Variants in NFIB observed in about 807,000 individuals in gnomAD.
NFIB encodes the protein nuclear factor 1 B-type.
Under a neutral mutation model 61.5 loss-of-function variants are expected in NFIB, and 11 were observed. The observed-to-expected ratio is 0.18, with a 90% confidence interval of 0.11 to 0.30. The LOEUF is 0.30. NFIB is among the 10% of genes least tolerant of loss of function. NFIB has a pLI of 1.00. For missense variants in NFIB, 471 were observed against 608.9 expected (o/e 0.77, Z 2.38); for synonymous variants, 260 against 216.5 (o/e 1.20, Z -1.76).
intron 2 of NFIB, among the ~76,000 whole-genome samples, chr9:14,256,115 A>C (rs934606915): frequency 5.9e-5 from 9 of 152,220 alleles, no homozygotes; most frequent in African/African-American, 2.2e-4. Context: ...CTTCTGTTTT[A>C]CCAAAAATAT....
upstream of NFIB, among the ~76,000 whole-genome samples, chr9:14,401,220 C>T (rs2061740104): frequency 6.6e-6 from 1 of 152,188 alleles, no homozygotes; most frequent in South Asian, 2.1e-4. Context: ...TTCAGCAGTA[C>T]CACACTAGGG....
At chr9:14,104,872 T>G (rs960809704) in intron 10 of NFIB, among the ~76,000 whole-genome samples, 2 of 152,166 alleles carry the variant, frequency 1.3e-5, no homozygotes, top group African/African-American at 4.8e-5. Context: ...ACATATTAAT[T>G]ATGTTAATTA....
At chr9:14,124,345 TG>T (rs751076230) in intron 7 of NFIB, among the ~76,000 whole-genome samples, 13 of 152,178 alleles carry the variant, frequency 8.5e-5, no homozygotes, top group Non-Finnish European at 1.8e-4. Context: ...CCTATCTCAA[TG>T]GTATAGGTAA....
At chr9:14,523,543 A>G in the NFIB span, among the ~76,000 whole-genome samples, 1 of 152,122 alleles carries the variant, frequency 6.6e-6, no homozygotes, top group Non-Finnish European at 1.5e-5. Flanking sequence ...TGTAAGAATT[A>G]TGGGGAAATG....
the NFIB span, among the ~76,000 whole-genome samples, chr9:14,481,595 TCTC>T: frequency 2.0e-5 from 3 of 152,060 alleles, no homozygotes; most frequent in African/African-American, 4.8e-5. Context: ...CTTTAGAACT[TCTC>T]CTCCGTCGAC....
At chr9:14,431,021 G>A in the NFIB span, among the ~76,000 whole-genome samples, 8 of 152,158 alleles carry the variant, frequency 5.3e-5, no homozygotes, top group East Asian at 1.5e-3. Context: ...GGGCCTTTGA[G>A]ATATTTCTCA....
chr9:14,095,328 C>T (rs1302983677), intron 10 of NFIB, among the ~76,000 whole-genome samples: 2 of 151,992 alleles, frequency 1.3e-5, no homozygotes, highest in Non-Finnish European at 2.9e-5. Context: ...CACATGCATA[C>T]ATATATAAGA....
chr9:14,131,662 T>C (rs2040424888), intron 6 of NFIB, among the ~76,000 whole-genome samples: 1 of 152,236 alleles, frequency 6.6e-6, no homozygotes, highest in South Asian at 2.1e-4. Flanking sequence ...GAAACGTGTT[T>C]ACGTCAGCCC....
chr9:14,465,737 C>T, the NFIB span, among the ~76,000 whole-genome samples: 3 of 152,108 alleles, frequency 2.0e-5, no homozygotes, highest in Non-Finnish European at 4.4e-5. Flanking sequence ...GTTGGGGAGA[C>T]ATGTCCTTCT....
chr9:14,507,900 A>G, the NFIB span, among the ~76,000 whole-genome samples: 1 of 151,872 alleles, frequency 6.6e-6, no homozygotes, highest in African/African-American at 2.4e-5. Context: ...TTTTCTTTCT[A>G]TGTGACACAG....
chr9:14,129,259 G>A (rs957144755), intron 6 of NFIB, among the ~76,000 whole-genome samples: 4 of 152,046 alleles, frequency 2.6e-5, no homozygotes, highest in Middle Eastern at 3.4e-3. Flanking sequence ...CAGAATATAG[G>A]TTTAATTGCC....
the NFIB span, among the ~76,000 whole-genome samples, chr9:14,520,014 T>C: frequency 6.6e-6 from 1 of 152,158 alleles, no homozygotes; most frequent in East Asian, 1.9e-4. Flanking sequence ...AAAATTCAGA[T>C]TGGTGAAAAT....
intron 2 of NFIB, among the ~76,000 whole-genome samples, chr9:14,251,199 A>T (rs1488888843): frequency 6.6e-6 from 1 of 152,208 alleles, no homozygotes; most frequent in Non-Finnish European, 1.5e-5. Context: ...TTTACAAGAG[A>T]GGAACTCCAG....
At chr9:14,160,653 T>A (rs2044057800) in intron 3 of NFIB, among the ~76,000 whole-genome samples, 1 of 151,950 alleles carries the variant, frequency 6.6e-6, no homozygotes, top group Admixed American at 6.6e-5. Flanking sequence ...TCCCAACAAC[T>A]GTGATGACCT....
intron 1 of NFIB, among the ~76,000 whole-genome samples, chr9:14,356,549 A>G (rs1299629033): frequency 6.6e-6 from 1 of 152,118 alleles, no homozygotes; most frequent in African/African-American, 2.4e-5. Context: ...GTGTAAAAAC[A>G]GCACCGAGAC....
intron 2 of NFIB, among the ~76,000 whole-genome samples, chr9:14,213,228 A>T (rs930511577): frequency 6.6e-6 from 1 of 152,140 alleles, no homozygotes; most frequent in African/African-American, 2.4e-5. Context: ...GTATTTCTTG[A>T]TTACCATCCA....
intron 4 of NFIB, among the ~76,000 whole-genome samples, chr9:14,155,051 A>T (rs2043247760): frequency 6.6e-6 from 1 of 152,200 alleles, no homozygotes; most frequent in African/African-American, 2.4e-5. Context: ...TCAAAATGTC[A>T]GGTGAAAATA....
At chr9:14,443,133 G>T in the NFIB span, among the ~76,000 whole-genome samples, 2 of 149,730 alleles carry the variant, frequency 1.3e-5, no homozygotes, top group African/African-American at 4.9e-5. Context: ...CTTTGGGAAA[G>T]GAAGGTCAAG....
upstream of NFIB, among the ~76,000 whole-genome samples, chr9:14,400,176 T>C (rs2061729178): frequency 6.6e-6 from 1 of 152,154 alleles, no homozygotes; most frequent in African/African-American, 2.4e-5. Flanking sequence ...TTAAAATCGT[T>C]CCATATGCAC....
Sources: allele counts gnomAD v4.1 joint callset (sites outside exome capture counted in the v4.1 genomes callset), GRCh38; gene constraint gnomAD v4.1.1; transcripts MANE v1.5; gene names NCBI Gene and HGNC (gene_info 2026-07-23, HGNC 2026-07-21).